Variants in KIF27 observed in about 807,000 individuals in gnomAD.
KIF27 encodes the protein kinesin-like protein KIF27.
A neutral mutation model predicts 141.8 loss-of-function variants in KIF27; 84 were observed. The observed-to-expected ratio is 0.59, with a 90% confidence interval of 0.50 to 0.71. The LOEUF (loss-of-function observed/expected upper bound fraction) is 0.71, where lower values mean the gene tolerates loss of function less well. Among genes scored for constraint, KIF27 ranks in the 30% least tolerant of loss-of-function variants. KIF27 has a pLI of 0.00. For missense variants in KIF27, 1,306 were observed against 1,628.4 expected (o/e 0.80, Z 3.41); for synonymous variants, 471 against 569.5 (o/e 0.83, Z 2.46).
At position 83,889,042 on chromosome 9, in the gene KIF27, A is replaced by C. The variant is rs1386275203; in HGVS notation, c.1979+42T>G. On this transcript the variant is annotated intron_variant, in intron 7 of 17. Coordinates refer to ENST00000297814, the MANE Select transcript of KIF27 (RefSeq NM_017576.4). ...TACACTTCTATATTTATTGCAGCATATAATTCTAAATATTTATTAAATCAG... is the reference window on the plus strand; with the variant it reads ...TACACTTCTATATTTATTGCAGCATCTAATTCTAAATATTTATTAAATCAG... 9 of 1,568,316 alleles carry C rather than the reference A, an allele frequency of 5.7e-6. No homozygotes were observed. In the Admixed American group the frequency reaches 9.0e-5, roughly 16 times the overall value.
rs755858080 is a variant in KIF27 at position 83,915,636 on chromosome 9, T to C, written c.-45A>G. The stretch of plus-strand genomic sequence containing the variant: ...AATAGATTTTCTATTTAATGTTCAG[T>C]ATCTAGTGTGAGAGACTTCCATCTT... On this transcript the variant is annotated 5_prime_UTR_variant, in exon 2 of 18. It adds an upstream start codon to the 5' untranslated region. Transcript: ENST00000297814. The C allele has an allele frequency of 6.7e-7, 1 of 1,493,976 alleles. No homozygotes were observed. The highest frequency in any genetic ancestry group is 2.3e-5 in the East Asian group (1 of 44,130). The allele number at this position is 1,493,976 out of a possible 1,614,324, so 92.5% of individuals were successfully genotyped here. A position where few individuals can be genotyped will look rare whatever the true frequency, so the allele number is the denominator to read the frequency against.
At chr9:83,844,605 A>G (rs1332433502) in intron 16 of KIF27, among the ~76,000 whole-genome samples, 4 of 152,182 alleles carry the variant, frequency 2.6e-5, no homozygotes, top group African/African-American at 9.6e-5. Flanking sequence ...TGCAAAATAA[A>G]TGCATTTGAC....
chr9:83,874,761 C>T (rs1004717011), intron 11 of KIF27, among the ~76,000 whole-genome samples: 2 of 151,572 alleles, frequency 1.3e-5, no homozygotes, highest in Non-Finnish European at 2.9e-5. Context: ...TAGTAAGACC[C>T]TATCTCTACA....
At chr9:83,865,230 T>G (rs1157098816) in intron 13 of KIF27, among the ~76,000 whole-genome samples, 2 of 152,170 alleles carry the variant, frequency 1.3e-5, no homozygotes, top group Non-Finnish European at 2.9e-5. Context: ...CAATTAAAAA[T>G]GTTTTGCTCC....
intron 9 of KIF27, among the ~76,000 whole-genome samples, chr9:83,886,630 C>T (rs1248807354): frequency 4.6e-5 from 7 of 152,068 alleles, no homozygotes; most frequent in Non-Finnish European, 1.0e-4. Flanking sequence ...GTGGCACACG[C>T]CTGTAGTCCC....
chr9:83,905,866 A>T (rs1954466762), intron 3 of KIF27, among the ~76,000 whole-genome samples: 1 of 152,238 alleles, frequency 6.6e-6, no homozygotes, highest in African/African-American at 2.4e-5. Context: ...TCACTGCTTC[A>T]CACAGAGATT....
rs1380053140 is a variant in KIF27 at position 83,835,263 on chromosome 9, GA to G, written c.*1737del. 2.0e-5 allele frequency among the ~76,000 whole-genome samples: 3 copies of G among 150,916 alleles called. No homozygotes were observed. Among genetic ancestry groups the G allele is most frequent in the African/African-American group, 7.3e-5 (3 of 41,192 alleles). ...TGTATGTTTTACCTTTGGTTTGTAT[GA>G]TTTATATTTATATATAAATGTACAT... On this transcript the variant is annotated 3_prime_UTR_variant, in exon 18 of 18. Coordinates refer to ENST00000297814, the MANE Select transcript of KIF27 (RefSeq NM_017576.4).
chr9:83,869,726 CAA>C (rs1950619287), intron 12 of KIF27, among the ~76,000 whole-genome samples: 1 of 150,716 alleles, frequency 6.6e-6, no homozygotes, highest in African/African-American at 2.4e-5. Flanking sequence ...GACTCTGTCT[CAA>C]AAAAAATAAA....
intron 14 of KIF27, among the ~76,000 whole-genome samples, chr9:83,856,377 C>T (rs531549546): frequency 3.9e-5 from 6 of 151,938 alleles, no homozygotes; most frequent in South Asian, 2.1e-4. Flanking sequence ...GAGGCTGAGG[C>T]GGGTGGATCA....
intron 13 of KIF27, among the ~76,000 whole-genome samples, chr9:83,861,395 G>A (rs571021028): frequency 3.4e-4 from 49 of 144,814 alleles, no homozygotes; most frequent in African/African-American, 1.2e-3. Context: ...TGTTCTCATT[G>A]TTCAATTCCC....
chr9:83,854,201 A>G (rs1322272055), intron 14 of KIF27, among the ~76,000 whole-genome samples: 2 of 152,236 alleles, frequency 1.3e-5, no homozygotes, highest in Non-Finnish European at 2.9e-5. Context: ...AGCCCACAGG[A>G]TTAGCAGTAT....
intron 17 of KIF27, among the ~76,000 whole-genome samples, chr9:83,838,497 A>C (rs1299115303): frequency 6.6e-6 from 1 of 152,134 alleles, no homozygotes; most frequent in East Asian, 1.9e-4. Context: ...GGCCTCCCAA[A>C]GTGCTGGGAT....
chr9:83,837,111 T>G lies in KIF27; in HGVS notation c.4096A>C (p.Ile1366Leu). The G allele has an allele frequency of 6.2e-7, 1 of 1,613,912 alleles. No homozygotes were observed. Among genetic ancestry groups the G allele is most frequent in the Non-Finnish European group, 8.5e-7 (1 of 1,179,872 alleles). ...CGCAATGATAGTTCCAAGGCGGAAATTTGACGTAATTCTTTTCGACACAGT... is the reference window on the plus strand; with the variant it reads ...CGCAATGATAGTTCCAAGGCGGAAAGTTGACGTAATTCTTTTCGACACAGT... ...VKLCRKELRQ[I>L]SALELSLRRS... Residue 1366 changes from isoleucine to leucine, a missense_variant, in exon 18 of 18, where the codon ATT (isoleucine) becomes CTT (leucine). Transcript: ENST00000297814.
intron 8 of KIF27, among the ~76,000 whole-genome samples, chr9:83,888,106 C>A (rs1266222411): frequency 9.6e-6 from 1 of 103,660 alleles, no homozygotes; most frequent in Non-Finnish European, 1.9e-5. Context: ...ACTAATTGGG[C>A]TCTAATGCCA....
At chr9:83,895,134 C>T (rs1257079003) in intron 5 of KIF27, among the ~76,000 whole-genome samples, 3 of 150,340 alleles carry the variant, frequency 2.0e-5, no homozygotes, top group Non-Finnish European at 4.4e-5. Flanking sequence ...TGGCGGCGGG[C>T]GCCTGTAGTC....
At chr9:83,889,698 G>A (rs376807517) in intron 6 of KIF27, among the ~76,000 whole-genome samples, 1 of 151,696 alleles carries the variant, frequency 6.6e-6, no homozygotes, top group East Asian at 1.9e-4. Context: ...AAGAAACCCA[G>A]AGCCGTCTCC....
Position 83,835,337 on chromosome 9 carries a change from A to G in KIF27, c.*1664T>C, listed in dbSNP as rs761312883. Among the ~76,000 whole-genome samples the G allele has an allele frequency of 1.3e-5, 2 of 151,926 alleles. No homozygotes were observed. The highest frequency in any genetic ancestry group is 2.4e-5 in the African/African-American group (1 of 41,418). On this transcript the variant is annotated 3_prime_UTR_variant, in exon 18 of 18. Transcript: ENST00000297814. ...AGCTGGAAACCAGAATCTGACTTCA[A>G]ACAGTTCCTGGTAAAAATAAAATTT...
chr9:83,907,618 G>C (rs1954694167), intron 3 of KIF27, among the ~76,000 whole-genome samples: 1 of 151,742 alleles, frequency 6.6e-6, no homozygotes, highest in African/African-American at 2.4e-5. Context: ...CAGAAAGTCA[G>C]ACCTTGAGGA....
chr9:83,852,171 C>T (rs1183598538), intron 15 of KIF27, among the ~76,000 whole-genome samples: 5 of 151,572 alleles, frequency 3.3e-5, no homozygotes, highest in Admixed American at 1.3e-4. Context: ...TCAGCCTGGG[C>T]GCGGTGGCTC....
Sources: gnomAD v4.1 joint callset for allele counts (sites outside exome capture counted in the v4.1 genomes callset) on GRCh38, gnomAD v4.1.1 for gene constraint, MANE v1.5 for transcripts, NCBI Gene and HGNC (gene_info 2026-07-23, HGNC 2026-07-21) for gene names.